The following ADGRG6 variants were observed in gnomAD, a reference collection of about 807,000 sequenced individuals.
The protein encoded by ADGRG6 is G-protein coupled receptor 126.
In ADGRG6, 84 loss-of-function variants were observed where a neutral mutation model predicts 142.4. The observed-to-expected ratio is 0.59, with a 90% CI of 0.49 to 0.71. ADGRG6 has a LOEUF of 0.71. Among genes scored for constraint, ADGRG6 ranks in the 30% least tolerant of loss-of-function variants. ADGRG6 has a pLI of 0.00. For synonymous variants in ADGRG6, 521 were observed against 520.5 expected, an observed-to-expected ratio of 1.00 and a Z score of -0.01; for missense variants, 1,367 against 1,466.6, an observed-to-expected ratio of 0.93 and a Z score of 1.11.
chr6:142,317,974 A>G (rs1463030996), intron 2 of ADGRG6, among the ~76,000 whole-genome samples: 1 of 64,340 alleles, frequency 1.6e-5, no homozygotes, highest in South Asian at 4.1e-4. Flanking sequence ...TATATTATAT[A>G]TATTTATATT....
chr6:142,342,305 G>A (rs1779695418), intron 2 of ADGRG6, among the ~76,000 whole-genome samples: 1 of 152,094 alleles, frequency 6.6e-6, no homozygotes, highest in Non-Finnish European at 1.5e-5. Flanking sequence ...TTCCAGAGAA[G>A]ATGCATTTCC....
At chr6:142,318,173 T>TTATATTA (rs1778280383) in intron 2 of ADGRG6, among the ~76,000 whole-genome samples, 2 of 9,152 alleles carry the variant, frequency 2.2e-4, no homozygotes, top group African/African-American at 1.0e-3. Flanking sequence ...TATTATATAT[T>TTATATTA]TATATATTAT....
At chr6:142,341,316 T>C (rs1488408508) in intron 2 of ADGRG6, among the ~76,000 whole-genome samples, 2 of 143,260 alleles carry the variant, frequency 1.4e-5, no homozygotes, top group Non-Finnish European at 3.0e-5. Context: ...ACTGTTCACT[T>C]GGGTTATTAG....
intron 2 of ADGRG6, among the ~76,000 whole-genome samples, chr6:142,328,273 G>A (rs753347961): frequency 1.3e-5 from 2 of 152,158 alleles, no homozygotes; most frequent in Non-Finnish European, 2.9e-5. Context: ...CATGATTTCA[G>A]CTCACTGCAA....
chr6:142,385,115 A>C (rs1029262670), intron 6 of ADGRG6, among the ~76,000 whole-genome samples: 1 of 152,160 alleles, frequency 6.6e-6, no homozygotes, highest in Non-Finnish European at 1.5e-5. Context: ...GGATTGACAC[A>C]TCCTCTACTG....
intron 6 of ADGRG6, 79 bp from the exon 7 acceptor site, chr6:142,390,179 G>A: frequency 1.9e-5 from 11 of 575,836 alleles, no homozygotes; most frequent in Non-Finnish European, 3.2e-5. Context: ...AGACTTACAT[G>A]ATCATAACTT....
At chr6:142,307,522 A>G (rs898142401) in intron 1 of ADGRG6, among the ~76,000 whole-genome samples, 2 of 151,952 alleles carry the variant, frequency 1.3e-5, no homozygotes, top group Admixed American at 1.3e-4. Flanking sequence ...TTTGTCACCT[A>G]CCGTTTTAAA....
At chr6:142,400,717 T>G (rs1775471983) in intron 11 of ADGRG6, 121 bp downstream of exon 11, 2 of 634,428 alleles carry the variant, frequency 3.2e-6, no homozygotes, top group African/African-American at 3.6e-5. Flanking sequence ...GGAATCTCTG[T>G]GTATGCCTGT....
intron 15 of ADGRG6, among the ~76,000 whole-genome samples, chr6:142,407,550 A>G (rs542916196): frequency 6.6e-6 from 1 of 152,302 alleles, no homozygotes; most frequent in South Asian, 2.1e-4. Context: ...ATTGGTCCAA[A>G]CCATTTTATG....
intron 2 of ADGRG6, among the ~76,000 whole-genome samples, chr6:142,316,801 T>G (rs1457907728): frequency 6.6e-6 from 1 of 150,910 alleles, no homozygotes; most frequent in Non-Finnish European, 1.5e-5. Context: ...TACCTTAGTG[T>G]TTTTTTTTAA....
At chr6:142,367,995 G>C in intron 3 of ADGRG6, 85 bp downstream of exon 3, 1 of 718,056 alleles carries the variant, frequency 1.4e-6, no homozygotes, top group Non-Finnish European at 2.4e-6. Context: ...ACAGAGTTAT[G>C]CTCTTTTATG....
chr6:142,361,362 G>A (rs1780705079), intron 2 of ADGRG6, among the ~76,000 whole-genome samples: 1 of 152,132 alleles, frequency 6.6e-6, no homozygotes, highest in Admixed American at 6.5e-5. Context: ...GTTATTCTGT[G>A]CGTCAACAAG....
chr6:142,366,629 C>G (rs530624484), intron 2 of ADGRG6, among the ~76,000 whole-genome samples: 2 of 152,154 alleles, frequency 1.3e-5, no homozygotes, highest in East Asian at 1.9e-4. Context: ...GTGGTGCACA[C>G]CTGTAATCCT....
At chr6:142,361,796 T>A (rs1296675969) in intron 2 of ADGRG6, among the ~76,000 whole-genome samples, 1 of 150,450 alleles carries the variant, frequency 6.6e-6, no homozygotes. Context: ...AATTATTCAT[T>A]GCCTTTAGAT....
intron 7 of ADGRG6, among the ~76,000 whole-genome samples, chr6:142,390,988 AC>A (rs1774868851): frequency 6.6e-6 from 1 of 151,766 alleles, no homozygotes; most frequent in Non-Finnish European, 1.5e-5. Context: ...TTTTGAAAAA[AC>A]AATGCATAAT....
intron 5 of ADGRG6, among the ~76,000 whole-genome samples, chr6:142,383,437 G>A (rs976751006): frequency 1.3e-5 from 2 of 152,100 alleles, no homozygotes; most frequent in African/African-American, 4.8e-5. Context: ...TTCTAGAAGG[G>A]TTTAGTGTTT....
rs1398729044 is a variant in ADGRG6 at position 142,444,226 on chromosome 6, C to T, written c.*711C>T. ...GCCAAAGCATTAAGTATAATTTAATCCCATACATTCGAGTTAAGTTTAGTG... is the reference window on the plus strand; with the variant it reads ...GCCAAAGCATTAAGTATAATTTAATTCCATACATTCGAGTTAAGTTTAGTG... On this transcript the variant is annotated 3_prime_UTR_variant, in exon 25 of 25. Transcript: ENST00000367609. The T allele has an allele frequency of 3.3e-5, 5 of 152,196 alleles. No homozygotes were observed. The highest frequency in any genetic ancestry group is 5.9e-5 in the Non-Finnish European group (4 of 68,030). The allele number at this position is 152,196 out of a possible 1,614,324, so 9.4% of individuals were successfully genotyped here. A position where few individuals can be genotyped will look rare whatever the true frequency, so the allele number is the denominator to read the frequency against.
chr6:142,411,556 A>G (rs770251806), intron 18 of ADGRG6, 145 bp downstream of exon 18: 1 of 561,636 alleles, frequency 1.8e-6, no homozygotes, highest in Non-Finnish European at 3.3e-6. Context: ...TTCTTAATAA[A>G]GAATCTAATT....
At chr6:142,367,152 G>A (rs1432554730) in intron 2 of ADGRG6, among the ~76,000 whole-genome samples, 5 of 151,846 alleles carry the variant, frequency 3.3e-5, no homozygotes, top group East Asian at 1.9e-4. Flanking sequence ...TATAACCCCC[G>A]CCACCCCAGT....
Sources: gnomAD v4.1 joint callset for allele counts (sites outside exome capture counted in the v4.1 genomes callset) on GRCh38, gnomAD v4.1.1 for gene constraint, MANE v1.5 for transcripts, NCBI Gene and HGNC (gene_info 2026-07-23, HGNC 2026-07-21) for gene names.